Variants in ATP5MC3 observed in about 807,000 individuals in gnomAD.
ATP5MC3 encodes ATP synthase F(0) complex subunit C3, mitochondrial.
In ATP5MC3, 6 loss-of-function variants were observed where a neutral mutation model predicts 15.6. The observed-to-expected ratio is 0.38, with a 90% CI of 0.21 to 0.76. The LOEUF (loss-of-function observed/expected upper bound fraction) is 0.76, where lower values mean the gene tolerates loss of function less well. Ranked by LOEUF, ATP5MC3 falls within the 30% of genes least tolerant of loss-of-function variation. The pLI is 0.44. For missense variants in ATP5MC3, 132 were observed against 171.2 expected, an observed-to-expected ratio of 0.77 and a Z score of 1.28; for synonymous variants, 66 against 63.3, an observed-to-expected ratio of 1.04 and a Z score of -0.20.
chr2:175,178,702 AAAAT>A, intron 4 of ATP5MC3: 1 of 1,160,992 alleles, frequency 8.6e-7, no homozygotes, highest in South Asian at 3.2e-5. Flanking sequence ...GGTCTTAAAT[AAAAT>A]AAATTGATCC....
intron 4 of ATP5MC3, chr2:175,178,722 A>G: frequency 1.7e-6 from 2 of 1,162,542 alleles, no homozygotes; most frequent in Non-Finnish European, 2.1e-6. Context: ...GATCCTTTTA[A>G]GGAATGTGCT....
rs1420542698 is a variant in ATP5MC3, at chr2:175,178,607, GGTTA to G, written c.315-209_315-206del. On this transcript the variant is annotated intron_variant, in intron 4 of 4. Transcript: ENST00000284727. ...TAGGGAGCTGTCTGTCAATATAAAT[GGTTA>G]GTTTTCATTCATTTTGATGGGTTCT... 9 of 1,289,124 alleles carry G rather than the reference GGTTA, an allele frequency of 7.0e-6. No homozygotes were observed. The East Asian group carries it at 1.9e-4, about 28-fold the overall frequency. 79.9% of individuals were successfully genotyped at this position (1,289,124 alleles called of 1,614,324 possible).
Position 175,178,226 on chromosome 2 carries a change from G to C in ATP5MC3, c.*62C>G. 6.4e-7 allele frequency: 1 copy of C among 1,568,122 alleles called. No homozygotes were observed. Among genetic ancestry groups the C allele is most frequent in the Non-Finnish European group, 8.6e-7 (1 of 1,162,576 alleles). On this transcript the variant is annotated 3_prime_UTR_variant, in exon 5 of 5. Coordinates refer to ENST00000284727, the MANE Select transcript of ATP5MC3 (RefSeq NM_001689.5). ...CAATACTACAGTTTTCGGAGTCACA[G>C]TAAGATACACAGAATTACATCCGTA...
chr2:175,180,131 C>T lies in ATP5MC3; in HGVS notation c.87G>A (p.Val29=), dbSNP rs1242358658. ...TCCTACTAGCCTCTGGTCGAGATAA[C>T]ACTGATGCAGAAATTGGTCTGTATG... ...RVAYRPISAS[V]LSRPEASRTG... The change falls in exon 3 of 5, where the codon GTG becomes GTA. Residue 29 remains valine, a synonymous_variant. Transcript: ENST00000284727. 2 of 1,600,558 alleles carry T rather than the reference C, an allele frequency of 1.2e-6. No individual in the cohort carries two copies. The highest frequency in any genetic ancestry group is 1.7e-6 in the Non-Finnish European group (2 of 1,177,150).
chr2:175,178,490 G>A lies in ATP5MC3; in HGVS notation c.315-88C>T, dbSNP rs573097656. ...TAAAGAATCAGATTACTAGTGTGGGGATTTTTGTAAACTGAAAAGTCTGCT... is the reference window on the plus strand; with the variant it reads ...TAAAGAATCAGATTACTAGTGTGGGAATTTTTGTAAACTGAAAAGTCTGCT... On this transcript the variant is annotated intron_variant, in intron 4 of 4. Coordinates refer to ENST00000284727, the MANE Select transcript of ATP5MC3 (RefSeq NM_001689.5). 9.0e-5 allele frequency: 134 copies of A among 1,486,702 alleles called. 1 individual carries two copies. The Admixed American group carries it at 2.0e-3, about 22-fold the overall frequency. The allele number at this position is 1,486,702 out of a possible 1,614,324, so 92.1% of individuals were successfully genotyped here.
In ATP5MC3 at chr2:175,181,485, T is replaced by G; in HGVS notation, c.-73-19A>C. 1 of 1,528,746 alleles carries G rather than the reference T, an allele frequency of 6.5e-7. No individual in the cohort carries two copies. The highest frequency in any genetic ancestry group is 1.2e-5 in the South Asian group (1 of 84,138). 94.7% of individuals were successfully genotyped at this position (1,528,746 alleles called of 1,614,324 possible). A position where few individuals can be genotyped will look rare whatever the true frequency, so the allele number is the denominator to read the frequency against. ...TTCCTCTCTGCGGAGGAAAAGAGGC[T>G]TAAGGTCAAGTGCCCTCCAGGGGCC... On this transcript the variant is annotated intron_variant, in intron 1 of 4. Coordinates refer to ENST00000284727, the MANE Select transcript of ATP5MC3 (RefSeq NM_001689.5).
chr2:175,179,904 TAGAG>T (rs1700743543), intron 3 of ATP5MC3, 190 bp downstream of exon 3: 1 of 524,240 alleles, frequency 1.9e-6, no homozygotes, highest in African/African-American at 2.0e-5. Context: ...AAGTTTTGGA[TAGAG>T]AAATTTCTCT....
In ATP5MC3 at chr2:175,180,979, G is replaced by A. The variant is rs544919892; in HGVS notation, c.39+376C>T. 2.0e-5 allele frequency among the ~76,000 whole-genome samples: 3 copies of A among 152,360 alleles called. No individual in the cohort carries two copies. The East Asian group carries it at 5.8e-4, about 29-fold the overall frequency. On this transcript the variant is annotated intron_variant, in intron 2 of 4. Transcript: ENST00000284727. ...CTACAGACAGGCACTGGAAAGCGCT[G>A]CTGAGGTGAACTAGGCCTCAACGGC... is the stretch of plus-strand genomic sequence containing the variant.
rs944030144 is a variant in ATP5MC3 at position 175,177,334 on chromosome 2, A to T, written c.*954T>A. On this transcript the variant is annotated 3_prime_UTR_variant, in exon 5 of 5. Transcript: ENST00000284727. The stretch of plus-strand genomic sequence containing the variant: ...AAGAAAAGTAAAATGTCACTTTCCT[A>T]ATTATCAACTTTCAAAAAACCCTGA... 1 of 152,184 alleles carries T rather than the reference A, an allele frequency of 6.6e-6. No homozygotes were observed. Among genetic ancestry groups the T allele is most frequent in the Non-Finnish European group, 1.5e-5 (1 of 68,024 alleles). 9.4% of individuals were successfully genotyped at this position (152,184 alleles called of 1,614,324 possible).
intron 3 of ATP5MC3, 134 bp from the exon 4 acceptor site, chr2:175,179,384 A>G: frequency 8.6e-7 from 1 of 1,167,760 alleles, no homozygotes; most frequent in Non-Finnish European, 1.1e-6. Flanking sequence ...TCAAGAGCTT[A>G]GAATAATCTC....
At position 175,181,376 on chromosome 2, in the gene ATP5MC3, C is replaced by A. The variant is rs202118535; in HGVS notation, c.18G>T (p.Lys6Asn). The change falls in exon 2 of 5, where the codon AAG (lysine) becomes AAT (asparagine). Residue 6 changes from lysine (K) to asparagine (N), a missense_variant. Physicochemically the swap from Lys to Asn is moderately conservative, Grantham distance 94. Transcript: ENST00000284727. Reference protein sequence around the residue: MFACAKLACTPSLIRA... With the variant: MFACANLACTPSLIRA... ...GCACCAGAGAGGGGGTGCAGGCGAG[C>A]TTGGCGCAGGCGAACATCTTACACT... The A allele has an allele frequency of 2.1e-5, 34 of 1,613,822 alleles. No homozygotes were observed. Among genetic ancestry groups the A allele is most frequent in the Non-Finnish European group, 2.6e-5 (31 of 1,179,944 alleles).
chr2:175,181,234 G>A (rs1189020256), intron 2 of ATP5MC3, 121 bp downstream of exon 2: 3 of 1,232,696 alleles, frequency 2.4e-6, no homozygotes, highest in Non-Finnish European at 3.4e-6. Context: ...AATAGGTAAG[G>A]AGAAAGCCGT....
Position 175,177,531 on chromosome 2 carries a change from T to C in ATP5MC3, c.*757A>G, listed in dbSNP as rs1700706856. 2 of 152,178 alleles carry C rather than the reference T, an allele frequency of 1.3e-5. No homozygotes were observed. Among genetic ancestry groups the C allele is most frequent in the African/African-American group, 4.8e-5 (2 of 41,440 alleles). 9.4% of individuals were successfully genotyped at this position (152,178 alleles called of 1,614,324 possible). ...ATCCCCAAGACTCCCACTATAAACA[T>C]GTTAGCAACAGTGATACACACTGCC... On this transcript the variant is annotated 3_prime_UTR_variant, in exon 5 of 5. Transcript: ENST00000284727.
chr2:175,180,888 C>T (rs1021329370), intron 2 of ATP5MC3, among the ~76,000 whole-genome samples: 4 of 152,160 alleles, frequency 2.6e-5, no homozygotes, highest in Non-Finnish European at 5.9e-5. Context: ...GGCTCGTTCC[C>T]CCACCACCTT....
intron 2 of ATP5MC3, 56 bp from the exon 3 acceptor site, chr2:175,180,234 T>G: frequency 7.5e-7 from 1 of 1,332,490 alleles, no homozygotes; most frequent in Non-Finnish European, 1.0e-6. Context: ...CAGGTAAGAC[T>G]TCAATGACTT....
chr2:175,181,512 G>C (rs1700773055), intron 1 of ATP5MC3, 46 bp from the exon 2 acceptor site: 7 of 1,283,558 alleles, frequency 5.5e-6, no homozygotes, highest in East Asian at 2.6e-5. Context: ...CCAGGGGCCT[G>C]TTCTTCCCAC....
chr2:175,179,751 C>G, intron 3 of ATP5MC3: 1 of 219,460 alleles, frequency 4.6e-6, no homozygotes, highest in Non-Finnish European at 8.9e-6. Flanking sequence ...GCAATCCTCC[C>G]TCCTTGGCCT....
Position 175,181,459 on chromosome 2 carries a change from C to T in ATP5MC3, c.-66G>A, listed in dbSNP as rs1700771255. 6.3e-7 allele frequency: 1 copy of T among 1,595,450 alleles called. No individual in the cohort carries two copies. The highest frequency in any genetic ancestry group is 2.2e-5 in the East Asian group (1 of 44,534). ...ACAGGCGACGTGGGCTCCTCTCCCG[C>T]TTCCTCTCTGCGGAGGAAAAGAGGC... On this transcript the variant is annotated 5_prime_UTR_variant, in exon 2 of 5. Coordinates refer to ENST00000284727, the MANE Select transcript of ATP5MC3 (RefSeq NM_001689.5).
At chr2:175,181,198 G>A (rs1275000233) in intron 2 of ATP5MC3, among the ~76,000 whole-genome samples, 157 bp downstream of exon 2, 1 of 152,236 alleles carries the variant, frequency 6.6e-6, no homozygotes, top group Non-Finnish European at 1.5e-5. Context: ...GATGCCCTAA[G>A]ATTAGGAAGA....
Sources: gnomAD v4.1 joint callset for allele counts (sites outside exome capture counted in the v4.1 genomes callset) on GRCh38, gnomAD v4.1.1 for gene constraint, MANE v1.5 for transcripts, NCBI Gene and HGNC (gene_info 2026-07-23, HGNC 2026-07-21) for gene names.